MOB3B: variants seen among roughly 807,000 people sequenced by gnomAD.
MOB3B encodes MOB kinase activator-like 2B.
In MOB3B, 7 loss-of-function variants were observed where a neutral mutation model predicts 18.7. The ratio of observed to expected loss-of-function variants is 0.37; its 90% CI spans 0.21 to 0.70. The LOEUF is 0.70. Among genes scored for constraint, MOB3B ranks in the 30% least tolerant of loss-of-function variants. The pLI, the probability that MOB3B is intolerant of heterozygous loss-of-function variation, is 0.52. For synonymous variants in MOB3B, 111 were observed against 99.9 expected, an observed-to-expected ratio of 1.11 and a Z score of -0.66; for missense variants, 253 against 281.3, an observed-to-expected ratio of 0.90 and a Z score of 0.72.
At chr9:27,362,551 A>G (rs1023797661) in intron 2 of MOB3B, among the ~76,000 whole-genome samples, 3 of 151,972 alleles carry the variant, frequency 2.0e-5, no homozygotes, top group African/African-American at 7.3e-5. Flanking sequence ...GTCAGGCCCC[A>G]CTCTTCCACC....
At chr9:27,348,151 T>C (rs1053584745) in intron 3 of MOB3B, among the ~76,000 whole-genome samples, 10 of 152,094 alleles carry the variant, frequency 6.6e-5, no homozygotes, top group African/African-American at 2.4e-4. Context: ...ACTGAGGTAA[T>C]AGGAGTTTTC....
At chr9:27,349,544 A>G (rs976065236) in intron 3 of MOB3B, among the ~76,000 whole-genome samples, 3 of 152,238 alleles carry the variant, frequency 2.0e-5, no homozygotes, top group Admixed American at 2.0e-4. Context: ...ATCAAGCCAT[A>G]CTGACTATTT....
At chr9:27,368,610 A>G (rs894941200) in intron 2 of MOB3B, among the ~76,000 whole-genome samples, 3 of 152,158 alleles carry the variant, frequency 2.0e-5, no homozygotes, top group African/African-American at 2.4e-5. Context: ...ACAGCTGCAA[A>G]TGCTTAGAAA....
intron 3 of MOB3B, among the ~76,000 whole-genome samples, chr9:27,338,827 T>A (rs1449756139): frequency 6.6e-6 from 1 of 152,162 alleles, no homozygotes; most frequent in Non-Finnish European, 1.5e-5. Context: ...AACACTGGCC[T>A]TTTCCCAAAT....
In MOB3B at chr9:27,325,675, A is replaced by G. The variant is rs1820700084; in HGVS notation, c.*4912T>C. 6.6e-6 allele frequency: 1 copy of G among 152,210 alleles called. No homozygotes were observed. The highest frequency in any genetic ancestry group is 2.4e-5 in the African/African-American group (1 of 41,444). 9.4% of individuals were successfully genotyped at this position (152,210 alleles called of 1,614,324 possible). A position where few individuals can be genotyped will look rare whatever the true frequency, so the allele number is the denominator to read the frequency against. On this transcript the variant is annotated 3_prime_UTR_variant, in exon 4 of 4. Transcript: ENST00000262244. ...AGAATCACCAATTTCTTCAAGGTCCAAAATGATCAGAACAAGAATGACAAC... is the reference window on the plus strand; with the variant it reads ...AGAATCACCAATTTCTTCAAGGTCCGAAATGATCAGAACAAGAATGACAAC...
At position 27,431,177 on chromosome 9, in the gene MOB3B, G is replaced by A. The variant is rs183720179; in HGVS notation, c.418+23956C>T. The stretch of plus-strand genomic sequence containing the variant: ...AGTATTCTTTATATTCTCAAAGGAG[G>A]AGAAGCTAGATCACCCTACAATTTA... On this transcript the variant is annotated intron_variant, in intron 2 of 3. Transcript: ENST00000262244. 5.7e-4 allele frequency among the ~76,000 whole-genome samples: 87 copies of A among 152,236 alleles called. 1 individual carries two copies. Among genetic ancestry groups the A allele is most frequent in the Non-Finnish European group, 1.5e-4 (10 of 68,016 alleles).
intron 2 of MOB3B, among the ~76,000 whole-genome samples, chr9:27,410,012 G>A (rs1218380088): frequency 6.6e-6 from 1 of 152,142 alleles, no homozygotes; most frequent in African/African-American, 2.4e-5. Context: ...TAATATTGAT[G>A]ATTGAACAAC....
intron 2 of MOB3B, among the ~76,000 whole-genome samples, chr9:27,440,687 A>T (rs1221894093): frequency 2.6e-5 from 4 of 152,118 alleles, no homozygotes; most frequent in Non-Finnish European, 5.9e-5. Context: ...GAATTAGCTC[A>T]TTAGGTTAGG....
intron 1 of MOB3B, among the ~76,000 whole-genome samples, chr9:27,467,279 C>T (rs1819399750): frequency 6.6e-6 from 1 of 152,196 alleles, no homozygotes; most frequent in Non-Finnish European, 1.5e-5. Context: ...GGGCTAAATG[C>T]TTTCTCTTTG....
At chr9:27,357,126 A>ATATATATATATGTATATG in intron 3 of MOB3B, among the ~76,000 whole-genome samples, 1 of 81,298 alleles carries the variant, frequency 1.2e-5, no homozygotes, top group African/African-American at 4.6e-5. Flanking sequence ...ATGCAAATAT[A>ATATATATATATGTATATG]TATATATATA....
Position 27,325,567 on chromosome 9 carries a change from T to C in MOB3B, c.*5020A>G, listed in dbSNP as rs1247042548. The C allele has an allele frequency of 1.3e-5, 2 of 152,242 alleles. No individual in the cohort carries two copies. Among genetic ancestry groups the C allele is most frequent in the African/African-American group, 2.4e-5 (1 of 41,464 alleles). The allele number at this position is 152,242 out of a possible 1,614,324, so 9.4% of individuals were successfully genotyped here. On this transcript the variant is annotated 3_prime_UTR_variant, in exon 4 of 4. Transcript: ENST00000262244. ...CTGTCCAGAGGGAAACAGCCTGTTATAAAAGCTTTCTGTTAATATATTTTT... is the reference window on the plus strand; with the variant it reads ...CTGTCCAGAGGGAAACAGCCTGTTACAAAAGCTTTCTGTTAATATATTTTT...
intron 3 of MOB3B, among the ~76,000 whole-genome samples, chr9:27,355,538 G>A (rs1029318994): frequency 2.0e-5 from 3 of 151,416 alleles, no homozygotes; most frequent in African/African-American, 4.9e-5. Context: ...AATTTCTTGA[G>A]AGCATAGTTT....
chr9:27,481,548 A>C (rs1345804743), intron 1 of MOB3B, among the ~76,000 whole-genome samples: 2 of 124,282 alleles, frequency 1.6e-5, no homozygotes, highest in Non-Finnish European at 3.2e-5. Flanking sequence ...GACGGAGTCT[A>C]GCTCTGTCGC....
chr9:27,499,613 T>G (rs1819957044), intron 1 of MOB3B, among the ~76,000 whole-genome samples: 2 of 152,230 alleles, frequency 1.3e-5, no homozygotes. Context: ...GACTCATACT[T>G]TAACATTTAC....
chr9:27,448,017 C>T (rs1287696849), intron 2 of MOB3B, among the ~76,000 whole-genome samples: 1 of 152,132 alleles, frequency 6.6e-6, no homozygotes, highest in Non-Finnish European at 1.5e-5. Flanking sequence ...TTTCAAGTCC[C>T]TCTCTGTGGT....
At chr9:27,352,030 A>G (rs1475659830) in intron 3 of MOB3B, among the ~76,000 whole-genome samples, 1 of 152,168 alleles carries the variant, frequency 6.6e-6, no homozygotes, top group East Asian at 1.9e-4. Context: ...AATGGCAGTG[A>G]TAAGGGATGG....
chr9:27,359,258 A>G (rs1479055351), intron 2 of MOB3B, 22 bp from the exon 3 acceptor site: 1 of 1,604,340 alleles, frequency 6.2e-7, no homozygotes, highest in South Asian at 1.1e-5. Context: ...AAAAAGAAGA[A>G]AGAATGAAAC....
intron 2 of MOB3B, among the ~76,000 whole-genome samples, chr9:27,391,924 A>G (rs13283804): frequency 0.11 from 16,045 of 152,322 alleles, 968 homozygotes; most frequent in Admixed American, 0.17. Context: ...ATCTCATATA[A>G]TTCACAAAAT....
chr9:27,504,517 C>T (rs1273821493), intron 1 of MOB3B, among the ~76,000 whole-genome samples: 2 of 152,178 alleles, frequency 1.3e-5, no homozygotes, highest in African/African-American at 4.8e-5. Flanking sequence ...CTGGCCTGGT[C>T]ACTGCACATC....
Sources: allele counts gnomAD v4.1 joint callset (sites outside exome capture counted in the v4.1 genomes callset), GRCh38; gene constraint gnomAD v4.1.1; transcripts MANE v1.5; gene names NCBI Gene and HGNC (gene_info 2026-07-23, HGNC 2026-07-21).